MAOB: variants seen among roughly 807,000 people sequenced by gnomAD.
The protein encoded by MAOB is amine oxidase [flavin-containing] B.
A neutral mutation model predicts 41.9 loss-of-function variants in MAOB; 15 were observed. That is an observed-to-expected ratio of 0.36 (90% CI 0.24 to 0.55). The LOEUF is 0.55. MAOB is among the 20% of genes least tolerant of loss of function. The pLI is 0.86. For synonymous variants in MAOB, 167 were observed against 144.2 expected, an observed-to-expected ratio of 1.16 and a Z score of -1.13; for missense variants, 345 against 398.7, an observed-to-expected ratio of 0.87 and a Z score of 1.15.
chrX:43,811,588 G>A (rs960958477), intron 3 of MAOB, among the ~76,000 whole-genome samples: 1 of 112,128 alleles, frequency 8.9e-6, no homozygotes, highest in African/African-American at 3.2e-5. Flanking sequence ...TCCCATCAGG[G>A]AGGAGGGGAG....
chrX:43,828,163 G>A lies in MAOB; in HGVS notation c.279+10705C>T, dbSNP rs552036357. On this transcript the variant is annotated intron_variant, in intron 3 of 14. Transcript: ENST00000378069. ...TTGCCAAAACATCTACTCCACATAGGTCACCCTTAAACATGTAATTTTATA... is the reference window on the plus strand; with the variant it reads ...TTGCCAAAACATCTACTCCACATAGATCACCCTTAAACATGTAATTTTATA... 6.3e-5 allele frequency among the ~76,000 whole-genome samples: 7 copies of A among 111,747 alleles called. No homozygotes were observed. In the South Asian group the frequency reaches 2.6e-3, roughly 42 times the overall value.
rs1409916185 is a variant in MAOB at position 43,810,150 on chromosome X, G to A, written c.280-6746C>T. The stretch of plus-strand genomic sequence containing the variant: ...CCCAGCTACTCGGGAGGCTGAGGCA[G>A]GAGAATGGCGTGAACCCAGGAGGCG... On this transcript the variant is annotated intron_variant, in intron 3 of 14. Coordinates refer to ENST00000378069, the MANE Select transcript of MAOB (RefSeq NM_000898.5). 5.2e-5 allele frequency among the ~76,000 whole-genome samples: 5 copies of A among 95,505 alleles called. 1 individual carries two copies. Among genetic ancestry groups the A allele is most frequent in the African/African-American group, 2.2e-4 (5 of 22,928 alleles). 82.9% of individuals were successfully genotyped at this position (95,505 alleles called of 115,157 possible).
At chrX:43,838,762 C>T (rs2035098774) in intron 3 of MAOB, 106 bp downstream of exon 3, 1 of 776,752 alleles carries the variant, frequency 1.3e-6, no homozygotes, top group Non-Finnish European at 1.8e-6. Context: ...AATACATTTG[C>T]ATCATCCAGA....
chrX:43,802,247 G>C lies in MAOB; in HGVS notation c.401C>G (p.Pro134Arg). The C allele has an allele frequency of 8.4e-7, 1 of 1,193,858 alleles. No individual in the cohort carries two copies. The highest frequency in any genetic ancestry group is 1.1e-6 in the Non-Finnish European group (1 of 880,795). ...CTCTTCTGCAAGGGGAGCCTTCCATGGGGCATCACTCGGAATCTACATTCA... is the reference window on the plus strand; with the variant it reads ...CTCTTCTGCAAGGGGAGCCTTCCATCGGGCATCACTCGGAATCTACATTCA... Reference protein sequence around the residue: ...DMGREIPSDAPWKAPLAEEWD... With the variant: ...DMGREIPSDARWKAPLAEEWD... The change falls in exon 5 of 15, where the codon CCA becomes CGA. Residue 134 changes from proline (P) to arginine (R), a missense_variant. Pro to Arg is a moderately radical substitution (Grantham distance 103). Transcript: ENST00000378069.
chrX:43,875,801 A>G (rs1391606840), intron 1 of MAOB, among the ~76,000 whole-genome samples: 1 of 111,039 alleles, frequency 9.0e-6, no homozygotes, highest in Non-Finnish European at 1.9e-5. Flanking sequence ...AGGAACACTC[A>G]CCCGCTTTTC....
chrX:43,851,296 G>A (rs1003703896), intron 1 of MAOB, among the ~76,000 whole-genome samples: 2 of 111,437 alleles, frequency 1.8e-5, no homozygotes, highest in East Asian at 2.8e-4. Flanking sequence ...TTTTTTTTAA[G>A]TATAGAAGAT....
Position 43,786,424 on chromosome X carries a change from C to T in MAOB, c.929-4880G>A, listed in dbSNP as rs185819236. Among the ~76,000 whole-genome samples, 6 of 111,572 alleles carry T rather than the reference C, an allele frequency of 5.4e-5. No individual in the cohort carries two copies. The South Asian group carries it at 1.9e-3, about 36-fold the overall frequency. On this transcript the variant is annotated intron_variant, in intron 8 of 14. Coordinates refer to ENST00000378069, the MANE Select transcript of MAOB (RefSeq NM_000898.5). ...TTTTAAAGGGAACTTGTCTCTTTCTCGTCTCCTGCACCCCTCCCCACTGTG... is the reference window on the plus strand; with the variant it reads ...TTTTAAAGGGAACTTGTCTCTTTCTTGTCTCCTGCACCCCTCCCCACTGTG...
chrX:43,839,691 A>C (rs1164003403), intron 2 of MAOB, among the ~76,000 whole-genome samples: 1 of 112,101 alleles, frequency 8.9e-6, no homozygotes, highest in Non-Finnish European at 1.9e-5. Flanking sequence ...CCCTTCAAAA[A>C]TGCAATTTTC....
intron 8 of MAOB, among the ~76,000 whole-genome samples, chrX:43,789,630 C>T (rs1057138290): frequency 2.7e-5 from 3 of 111,181 alleles, no homozygotes; most frequent in South Asian, 7.6e-4. Context: ...ACGGTGAGGG[C>T]GGCTAGACTT....
chrX:43,787,607 T>C (rs1183547587), intron 8 of MAOB, among the ~76,000 whole-genome samples: 1 of 111,627 alleles, frequency 9.0e-6, no homozygotes, highest in Non-Finnish European at 1.9e-5. Context: ...TACAACGATA[T>C]AATTTTTCAG....
intron 1 of MAOB, among the ~76,000 whole-genome samples, chrX:43,881,182 G>C (rs912510536): frequency 3.5e-5 from 4 of 113,221 alleles, no homozygotes; most frequent in Middle Eastern, 4.2e-3. Flanking sequence ...ACCATGGTCA[G>C]CACCAAACAT....
intron 1 of MAOB, among the ~76,000 whole-genome samples, chrX:43,865,904 C>A (rs2035362132): frequency 9.2e-6 from 1 of 109,035 alleles, no homozygotes. Flanking sequence ...TCAAAAGTTA[C>A]CTAGGTCAGG....
In MAOB at chrX:43,767,257, C is replaced by CTT. The variant is rs1569206738; in HGVS notation, c.*208_*209insAA. ...GCAATAAACTTGGAAACTGGTGAAA[C>CTT]AGAACGCTAAGCCAGGTAAGGGACA... is the stretch of plus-strand genomic sequence containing the variant. On this transcript the variant is annotated 3_prime_UTR_variant, in exon 15 of 15. Coordinates refer to ENST00000378069, the MANE Select transcript of MAOB (RefSeq NM_000898.5). 8.3e-6 allele frequency: 3 copies of CTT among 360,309 alleles called. No individual in the cohort carries two copies. Among genetic ancestry groups the CTT allele is most frequent in the Non-Finnish European group, 1.4e-5 (3 of 212,506 alleles). The allele number at this position is 360,309 out of a possible 1,213,427, so 29.7% of individuals were successfully genotyped here.
At chrX:43,808,732 T>A (rs1380072778) in intron 3 of MAOB, among the ~76,000 whole-genome samples, 1 of 101,790 alleles carries the variant, frequency 9.8e-6, no homozygotes, top group African/African-American at 3.8e-5. Flanking sequence ...ACACACAGAG[T>A]CTTGCTCTGC....
chrX:43,774,694 A>G (rs1466919285), intron 12 of MAOB, among the ~76,000 whole-genome samples: 1 of 111,778 alleles, frequency 8.9e-6, no homozygotes, highest in African/African-American at 3.3e-5. Context: ...TGGCAGTTGT[A>G]CAGTGGCATT....
chrX:43,794,989 GT>G (rs2147133727), intron 7 of MAOB, among the ~76,000 whole-genome samples: 1 of 110,085 alleles, frequency 9.1e-6, no homozygotes, highest in East Asian at 2.9e-4. Flanking sequence ...ATGTGGAGTG[GT>G]TTTTCCCCAC....
intron 11 of MAOB, among the ~76,000 whole-genome samples, chrX:43,776,717 G>A (rs1315919642): frequency 9.2e-6 from 1 of 108,309 alleles, no homozygotes; most frequent in Non-Finnish European, 1.9e-5. Context: ...CCAGTAACTC[G>A]TCATTTAACA....
chrX:43,818,942 T>A (rs1421187843), intron 3 of MAOB, among the ~76,000 whole-genome samples: 1 of 111,806 alleles, frequency 8.9e-6, no homozygotes, highest in Non-Finnish European at 1.9e-5. Context: ...TGGCTGTGTA[T>A]GGAACAGCCC....
chrX:43,830,621 C>T (rs1013973256), intron 3 of MAOB, among the ~76,000 whole-genome samples: 9 of 111,550 alleles, frequency 8.1e-5, no homozygotes, highest in Non-Finnish European at 1.3e-4. Context: ...ATAAGAAGCC[C>T]ATGAAAATAT....
Sources: gnomAD v4.1 joint callset for allele counts (sites outside exome capture counted in the v4.1 genomes callset) on GRCh38, gnomAD v4.1.1 for gene constraint, MANE v1.5 for transcripts, NCBI Gene and HGNC (gene_info 2026-07-23, HGNC 2026-07-21) for gene names.